The following GOLIM4 variants were observed in gnomAD, a reference collection of about 807,000 sequenced individuals.
The protein encoded by GOLIM4 is 130 kDa golgi-localized phosphoprotein.
Under a neutral mutation model 107.4 loss-of-function variants are expected in GOLIM4, and 71 were observed. The observed-to-expected ratio is 0.66, with a 90% CI of 0.55 to 0.81. GOLIM4 has a LOEUF of 0.81. Ranked by LOEUF, GOLIM4 falls within the 30% of genes least tolerant of loss-of-function variation. The pLI, the probability that GOLIM4 is intolerant of heterozygous loss-of-function variation, is 0.00. For missense variants in GOLIM4, 830 were observed against 826.1 expected (o/e 1.00, Z -0.06); for synonymous variants, 327 against 294.8 (o/e 1.11, Z -1.12).
intron 7 of GOLIM4, among the ~76,000 whole-genome samples, chr3:168,038,363 T>G (rs1340726354): frequency 6.6e-6 from 1 of 152,190 alleles, no homozygotes; most frequent in Non-Finnish European, 1.5e-5. Context: ...TGTTGCACAA[T>G]TAGGGACCAT....
intron 1 of GOLIM4, among the ~76,000 whole-genome samples, chr3:168,069,233 A>G (rs1374465334): frequency 6.6e-6 from 1 of 152,222 alleles, no homozygotes; most frequent in African/African-American, 2.4e-5. Flanking sequence ...TTTAAAATAA[A>G]TGGAGTTTTA....
intron 1 of GOLIM4, among the ~76,000 whole-genome samples, chr3:168,054,455 C>G (rs1333543210): frequency 6.6e-6 from 1 of 152,188 alleles, no homozygotes; most frequent in Non-Finnish European, 1.5e-5. Flanking sequence ...AACTAGCTCC[C>G]TTACTTCCTT....
intron 1 of GOLIM4, among the ~76,000 whole-genome samples, chr3:168,061,108 A>AT (rs149402897): frequency 7.5e-4 from 112 of 148,644 alleles, no homozygotes; most frequent in South Asian, 5.8e-3. Flanking sequence ...TAAAGAGTTG[A>AT]TTTTTTTTTT....
chr3:168,091,455 C>G (rs746373718), intron 1 of GOLIM4, among the ~76,000 whole-genome samples: 1 of 152,156 alleles, frequency 6.6e-6, no homozygotes, highest in Non-Finnish European at 1.5e-5. Context: ...AATCAGTAAC[C>G]GCAGTCCAAG....
chr3:168,040,752 T>C (rs776461686), intron 7 of GOLIM4, 34 bp downstream of exon 7: 1 of 1,412,980 alleles, frequency 7.1e-7, no homozygotes, highest in Admixed American at 1.8e-5. Flanking sequence ...AGCAGACTTG[T>C]AAAAGAACCC....
chr3:168,043,430 T>C lies in GOLIM4; in HGVS notation c.466A>G (p.Lys156Glu). 1 of 1,612,468 alleles carries C rather than the reference T, an allele frequency of 6.2e-7. No homozygotes were observed. Among genetic ancestry groups the C allele is most frequent in the Non-Finnish European group, 8.5e-7 (1 of 1,179,278 alleles). Residue 156 changes from lysine (K) to glutamate (E), a missense_variant, in exon 5 of 16, where the codon AAA becomes GAA. Lys to Glu is a moderately conservative substitution (Grantham distance 56, BLOSUM62 1). Transcript: ENST00000470487. ...TTTTCTTGCTGGAGCTGCAAGTATT[T>C]TTGCTTATGGTCATTAAATGTTCTA... ...FSRTFNDHKQ[K>E]YLQLQQEKEQ...
intron 1 of GOLIM4, among the ~76,000 whole-genome samples, chr3:168,082,982 C>A (rs1220969877): frequency 1.3e-5 from 2 of 152,094 alleles, no homozygotes; most frequent in Non-Finnish European, 2.9e-5. Flanking sequence ...TTGGAAAGTA[C>A]AATGGAAGTC....
intron 1 of GOLIM4, among the ~76,000 whole-genome samples, chr3:168,087,552 T>G (rs1721689604): frequency 6.6e-6 from 1 of 152,202 alleles, no homozygotes; most frequent in African/African-American, 2.4e-5. Flanking sequence ...GCAAATTTCT[T>G]GTACCCTGGA....
chr3:168,075,286 G>GTTTTTTTTT (rs374374393), intron 1 of GOLIM4, among the ~76,000 whole-genome samples: 1 of 94,224 alleles, frequency 1.1e-5, no homozygotes, highest in African/African-American at 4.3e-5. Context: ...ACATTCACTA[G>GTTTTTTTTT]TTTTTTTTTT....
chr3:168,033,115 C>A (rs1039261714), intron 8 of GOLIM4, among the ~76,000 whole-genome samples: 1 of 152,002 alleles, frequency 6.6e-6, no homozygotes, highest in Non-Finnish European at 1.5e-5. Context: ...TCCAAGTAAC[C>A]AATATCTCAG....
chr3:168,039,958 A>ACC (rs1718886625), intron 7 of GOLIM4, among the ~76,000 whole-genome samples: 1 of 152,236 alleles, frequency 6.6e-6, no homozygotes, highest in Non-Finnish European at 1.5e-5. Flanking sequence ...TGGGTCAGGG[A>ACC]CAGAAAATTA....
rs767668786 is a variant in GOLIM4 at position 168,032,583 on chromosome 3, C to T, written c.1113G>A (p.Glu371=). The T allele has an allele frequency of 1.2e-6, 2 of 1,614,132 alleles. No homozygotes were observed. The highest frequency in any genetic ancestry group is 2.2e-5 in the South Asian group (2 of 91,068). ...HDPSPEEQDR[E]WKEQHEQREA... ...CTCGTTGCTCATGCTGCTCTTTCCA[C>T]TCCCGATCCTGCTCCTCTGGTGATG... is the stretch of plus-strand genomic sequence containing the variant. The change falls in exon 9 of 16, where the codon GAG becomes GAA. Residue 371 remains glutamate (E), a synonymous_variant. Transcript: ENST00000470487.
chr3:168,064,476 T>C (rs1371788725), intron 1 of GOLIM4, among the ~76,000 whole-genome samples: 1 of 152,210 alleles, frequency 6.6e-6, no homozygotes, highest in African/African-American at 2.4e-5. Flanking sequence ...TTGAGTCCGT[T>C]ATAAGAAGAG....
chr3:168,029,736 T>C (rs1200226329), intron 10 of GOLIM4, 44 bp downstream of exon 10: 3 of 1,597,186 alleles, frequency 1.9e-6, no homozygotes, highest in African/African-American at 2.7e-5. Flanking sequence ...GTATGAAAAC[T>C]GGAGCAGGGG....
chr3:168,018,374 C>A (rs1345878346), intron 14 of GOLIM4, among the ~76,000 whole-genome samples: 1 of 152,124 alleles, frequency 6.6e-6, no homozygotes, highest in African/African-American at 2.4e-5. Context: ...CTTGGCCTGT[C>A]GAGAGCCTAC....
At chr3:168,019,137 A>G (rs6809652) in intron 14 of GOLIM4, among the ~76,000 whole-genome samples, 16 of 152,214 alleles carry the variant, frequency 1.1e-4, no homozygotes, top group African/African-American at 3.9e-4. Context: ...TGGACTAAAG[A>G]CTTGGCTCTG....
At chr3:168,027,169 CTTATA>C (rs200389499) in intron 12 of GOLIM4, among the ~76,000 whole-genome samples, 231 of 152,304 alleles carry the variant, frequency 1.5e-3, no homozygotes, top group African/African-American at 5.4e-3. Context: ...TGTCTACCTA[CTTATA>C]TTATAAATTT....
At chr3:168,079,013 TTAAG>T (rs754653574) in intron 1 of GOLIM4, among the ~76,000 whole-genome samples, 2 of 152,198 alleles carry the variant, frequency 1.3e-5, no homozygotes, top group African/African-American at 2.4e-5. Context: ...TATGAGGATA[TTAAG>T]TAACACTAGG....
At chr3:168,079,051 A>G (rs1209793255) in intron 1 of GOLIM4, among the ~76,000 whole-genome samples, 1 of 152,198 alleles carries the variant, frequency 6.6e-6, no homozygotes, top group African/African-American at 2.4e-5. Flanking sequence ...TAAATTTTGT[A>G]AATGCACTCA....
Sources: allele counts gnomAD v4.1 joint callset (sites outside exome capture counted in the v4.1 genomes callset), GRCh38; gene constraint gnomAD v4.1.1; transcripts MANE v1.5; gene names NCBI Gene and HGNC (gene_info 2026-07-23, HGNC 2026-07-21).